CD96: variants seen among roughly 807,000 people sequenced by gnomAD.
CD96 encodes CD96 molecule.
In CD96, 70 loss-of-function variants were observed where a neutral mutation model predicts 71.3. That is an observed-to-expected ratio of 0.98 (90% CI 0.81 to 1.20). The LOEUF is 1.20. Among genes scored for constraint, CD96 ranks in the 50% most tolerant of loss-of-function variants. The pLI is 0.00. For missense variants in CD96, 742 were observed against 677.5 expected (o/e 1.10, Z -1.06); for synonymous variants, 248 against 233.0 (o/e 1.06, Z -0.59).
At chr3:111,584,619 A>G (rs1373236602) in intron 4 of CD96, among the ~76,000 whole-genome samples, 1 of 152,226 alleles carries the variant, frequency 6.6e-6, no homozygotes, top group East Asian at 1.9e-4. Context: ...AGCAATGGGA[A>G]GAGAAAAATG....
At chr3:111,652,967 G>A (rs575444546), downstream of CD96, among the ~76,000 whole-genome samples, 6 of 151,518 alleles carry the variant, frequency 4.0e-5, no homozygotes, top group African/African-American at 7.3e-5. Flanking sequence ...CCATATGTAC[G>A]CATGTTTGTC....
At chr3:111,599,507 G>A (rs772711357) in intron 6 of CD96, among the ~76,000 whole-genome samples, 4 of 152,074 alleles carry the variant, frequency 2.6e-5, no homozygotes, top group Non-Finnish European at 4.4e-5. Context: ...ATTACCTGAG[G>A]TTAGGAGTTC....
At chr3:111,656,772 T>C (rs1940239942), downstream of CD96, among the ~76,000 whole-genome samples, 1 of 152,130 alleles carries the variant, frequency 6.6e-6, no homozygotes, top group South Asian at 2.1e-4. Context: ...GCATGTAATA[T>C]GCTACCTTTG....
intron 7 of CD96, among the ~76,000 whole-genome samples, chr3:111,603,400 A>G (rs958089861): frequency 2.0e-5 from 3 of 151,928 alleles, no homozygotes; most frequent in Non-Finnish European, 4.4e-5. Context: ...AGCCGTGATC[A>G]TGCCACTACA....
At chr3:111,586,464 G>T (rs1936719219) in intron 5 of CD96, among the ~76,000 whole-genome samples, 1 of 152,058 alleles carries the variant, frequency 6.6e-6, no homozygotes, top group Non-Finnish European at 1.5e-5. Flanking sequence ...TGTGTCTTTT[G>T]CCAGTTTCAT....
At chr3:111,602,797 A>G (rs1937526483) in intron 7 of CD96, among the ~76,000 whole-genome samples, 1 of 152,194 alleles carries the variant, frequency 6.6e-6, no homozygotes, top group African/African-American at 2.4e-5. Context: ...GAAGACACAG[A>G]AGAAAAATCT....
At chr3:111,597,534 T>C (rs549139649) in intron 5 of CD96, among the ~76,000 whole-genome samples, 2 of 152,308 alleles carry the variant, frequency 1.3e-5, no homozygotes, top group Non-Finnish European at 2.9e-5. Context: ...GATTTTTCCA[T>C]TGGTCAAATG....
At chr3:111,626,085 C>T (rs984525647) in intron 10 of CD96, among the ~76,000 whole-genome samples, 9 of 151,898 alleles carry the variant, frequency 5.9e-5, no homozygotes, top group Middle Eastern at 3.2e-3. Context: ...GGGTGGATCA[C>T]GAGGTCAGGA....
intron 10 of CD96, among the ~76,000 whole-genome samples, chr3:111,626,925 T>C (rs966046306): frequency 5.3e-5 from 8 of 152,206 alleles, no homozygotes; most frequent in African/African-American, 1.9e-4. Flanking sequence ...TTTTAAGCTT[T>C]ATAAGTGAAT....
chr3:111,544,247 C>T (rs908733500), intron 1 of CD96, among the ~76,000 whole-genome samples: 13 of 152,226 alleles, frequency 8.5e-5, no homozygotes, highest in African/African-American at 2.9e-4. Context: ...CAGGTTCAAG[C>T]GATTCTCCTG....
intron 3 of CD96, among the ~76,000 whole-genome samples, chr3:111,568,225 A>C (rs1049781314): frequency 6.6e-6 from 1 of 152,226 alleles, no homozygotes; most frequent in Non-Finnish European, 1.5e-5. Context: ...CTCATTAAAA[A>C]ACAAAAAACA....
chr3:111,545,355 C>T lies in CD96; in HGVS notation c.371C>T (p.Pro124Leu). The change falls in exon 2 of 14, where the codon CCA (proline) becomes CTA (leucine). Residue 124 changes from proline to leucine, a missense_variant. Coordinates refer to ENST00000352690, the MANE Select transcript of CD96 (RefSeq NM_005816.5). The stretch of plus-strand genomic sequence containing the variant: ...TACGAGTGTATGCTTGTTCTGTATC[C>T]AGAGGGCATTCAGACTAAAATCTAC... Reference protein sequence around the residue: ...GRYECMLVLYPEGIQTKIYNL... With the variant: ...GRYECMLVLYLEGIQTKIYNL... The T allele has an allele frequency of 1.9e-6, 3 of 1,613,702 alleles. No homozygotes were observed. Among genetic ancestry groups the T allele is most frequent in the Non-Finnish European group, 1.7e-6 (2 of 1,179,632 alleles).
intron 8 of CD96, among the ~76,000 whole-genome samples, chr3:111,622,339 G>A: frequency 6.6e-6 from 1 of 152,176 alleles, no homozygotes. Context: ...AACTGCAAGT[G>A]ACCTATTTTA....
intron 5 of CD96, chr3:111,594,257 T>G: frequency 6.6e-7 from 1 of 1,509,736 alleles, no homozygotes; most frequent in Non-Finnish European, 8.9e-7. Context: ...CAAAAGCTTA[T>G]TTGAACCACA....
intron 10 of CD96, among the ~76,000 whole-genome samples, chr3:111,635,296 C>A (rs1939273769): frequency 6.6e-6 from 1 of 152,184 alleles, no homozygotes; most frequent in African/African-American, 2.4e-5. Flanking sequence ...CACCATACTT[C>A]CCACTACATG....
chr3:111,648,237 G>A (rs921428642), intron 13 of CD96, among the ~76,000 whole-genome samples: 3 of 152,168 alleles, frequency 2.0e-5, no homozygotes, highest in African/African-American at 7.2e-5. Flanking sequence ...GGTACATAAG[G>A]TTAAGCCTCA....
At chr3:111,556,103 A>T (rs1390236594) in intron 2 of CD96, among the ~76,000 whole-genome samples, 2 of 152,270 alleles carry the variant, frequency 1.3e-5, no homozygotes, top group Non-Finnish European at 2.9e-5. Context: ...TAAAATATAC[A>T]TTTGCTTCAT....
chr3:111,636,206 C>T lies in CD96; in HGVS notation c.1322-990C>T, dbSNP rs116631539. On this transcript the variant is annotated intron_variant, in intron 10 of 13. Coordinates refer to ENST00000352690, the MANE Select transcript of CD96 (RefSeq NM_005816.5). ...TATGACAAATTGTCCTGTAATCAAG[C>T]CCTAAAGAATGGACTCTTACCTCTT... 2.3e-3 allele frequency among the ~76,000 whole-genome samples: 343 copies of T among 152,276 alleles called. 1 individual carries two copies. The highest frequency in any genetic ancestry group is 8.0e-3 in the African/African-American group (333 of 41,566).
chr3:111,599,480 G>A (rs1044665448), intron 6 of CD96, among the ~76,000 whole-genome samples: 1 of 152,154 alleles, frequency 6.6e-6, no homozygotes, highest in Non-Finnish European at 1.5e-5. Context: ...AGCACTTTGG[G>A]AGGCCGAAGG....
Sources: allele counts gnomAD v4.1 joint callset (sites outside exome capture counted in the v4.1 genomes callset), GRCh38; gene constraint gnomAD v4.1.1; transcripts MANE v1.5; gene names NCBI Gene and HGNC (gene_info 2026-07-23, HGNC 2026-07-21).